BRCA2: variants seen among roughly 807,000 people sequenced by gnomAD.
BRCA2 encodes the protein BRCA2 DNA repair associated, also known as breast cancer type 2 susceptibility protein.
In BRCA2, 203 loss-of-function variants were observed where a neutral mutation model predicts 276.7. That is an observed-to-expected ratio of 0.73 (90% CI 0.65 to 0.82). BRCA2 has a LOEUF of 0.82. Ranked by LOEUF, BRCA2 falls within the 40% of genes least tolerant of loss-of-function variation. BRCA2 has a pLI of 0.00. For synonymous variants in BRCA2, 1,289 were observed against 1,338.4 expected (o/e 0.96, Z 0.81); for missense variants, 3,920 against 3,915.0 (o/e 1.00, Z -0.03).
At position 32,339,193 on chromosome 13, in the gene BRCA2, C is replaced by T. The variant is rs1360725610; in HGVS notation, c.4838C>T (p.Pro1613Leu). Residue 1613 changes from proline to leucine, a missense_variant, in exon 11 of 27, where the codon CCT becomes CTT. This residue lies in a region of BRCA2 where 3,263 missense variants were observed against 3,156.9 expected (regional missense o/e 1.03). Transcript: ENST00000380152. ...GTTTCTATTGAGACTGTGGTGCCACCTAAGCTCTTAAGTGATAATTTATGT... is the reference window on the plus strand; with the variant it reads ...GTTTCTATTGAGACTGTGGTGCCACTTAAGCTCTTAAGTGATAATTTATGT... ...NLVSIETVVP[P>L]KLLSDNLCRQ... 6.2e-7 allele frequency: 1 copy of T among 1,613,284 alleles called. No individual in the cohort carries two copies. The highest frequency in any genetic ancestry group is 8.5e-7 in the Non-Finnish European group (1 of 1,179,440).
In BRCA2 at chr13:32,337,855, T is replaced by C. The variant is rs1593899750; in HGVS notation, c.3500T>C (p.Ile1167Thr). Residue 1167 changes from isoleucine (I) to threonine (T), a missense_variant, in exon 11 of 27, where the codon ATA (isoleucine) becomes ACA (threonine). This residue lies in a region of BRCA2 where 3,263 missense variants were observed against 3,156.9 expected (regional missense o/e 1.03). Coordinates refer to ENST00000380152, the MANE Select transcript of BRCA2 (RefSeq NM_000059.4). ...TGCAGAGATGCTGATCTTCATGTCA[T>C]AATGAATGCCCCATCGATTGGTCAG... ...EECRDADLHV[I>T]MNAPSIGQVD... The C allele has an allele frequency of 6.2e-7, 1 of 1,614,086 alleles. No individual in the cohort carries two copies. The highest frequency in any genetic ancestry group is 1.1e-5 in the South Asian group (1 of 91,088).
intron 22 of BRCA2, 80 bp downstream of exon 22, chr13:32,379,595 GATAAAGT>G (rs2072905435): frequency 1.9e-6 from 3 of 1,549,576 alleles, no homozygotes; most frequent in Non-Finnish European, 2.6e-6. Flanking sequence ...TATAAATCCA[GATAAAGT>G]ATAAAGTTAG....
rs81002835 is a variant in BRCA2, at chr13:32,397,054, T to G, written c.9648+10T>G. On this transcript the variant is annotated intron_variant, in intron 26 of 26. Transcript: ENST00000380152. ...AGGAAACAAGCTTCTGGTAAGTTAA[T>G]GTAAACTCAAGGAATATTATAAGAA... 5 of 1,612,674 alleles carry G rather than the reference T, an allele frequency of 3.1e-6. No homozygotes were observed. In the African/African-American group the frequency reaches 6.7e-5, roughly 22 times the overall value.
Position 32,337,816 on chromosome 13 carries a change from C to G in BRCA2, c.3461C>G (p.Thr1154Ser), listed in dbSNP as rs786202212. 6.2e-7 allele frequency: 1 copy of G among 1,614,056 alleles called. No homozygotes were observed. The highest frequency in any genetic ancestry group is 8.5e-7 in the Non-Finnish European group (1 of 1,179,978). ...VPENQMTILK[T>S]TSEECRDADL... ...GAAAACCAGATGACTATCTTAAAGACCACTTCTGAGGAATGCAGAGATGCT... is the reference window on the plus strand; with the variant it reads ...GAAAACCAGATGACTATCTTAAAGAGCACTTCTGAGGAATGCAGAGATGCT... The change falls in exon 11 of 27, where the codon ACC becomes AGC. Residue 1154 changes from threonine (T) to serine (S), a missense_variant. Thr to Ser is a moderately conservative substitution (Grantham distance 58). Coordinates refer to ENST00000380152, the MANE Select transcript of BRCA2 (RefSeq NM_000059.4).
At chr13:32,360,611 G>A (rs1259308930) in intron 16 of BRCA2, among the ~76,000 whole-genome samples, 2 of 152,146 alleles carry the variant, frequency 1.3e-5, no homozygotes, top group Admixed American at 1.3e-4. Context: ...ACCCTCCTCG[G>A]CCTCCCAAAG....
chr13:32,371,143 G>C (rs2137601454), intron 20 of BRCA2, 43 bp downstream of exon 20: 2 of 1,594,838 alleles, frequency 1.3e-6, no homozygotes, highest in East Asian at 4.5e-5. Flanking sequence ...TCTAATATGA[G>C]AACAAAGTCT....
chr13:32,325,219 G>A (rs2137447280), intron 4 of BRCA2, 35 bp downstream of exon 4: 2 of 1,395,952 alleles, frequency 1.4e-6, no homozygotes. Context: ...ATATTTAAAT[G>A]AAACATTTTC....
At chr13:32,318,924 T>C (rs548945825) in intron 2 of BRCA2, among the ~76,000 whole-genome samples, 153 bp from the exon 3 acceptor site, 1 of 152,362 alleles carries the variant, frequency 6.6e-6, no homozygotes, top group East Asian at 1.9e-4. Flanking sequence ...CGCAAGAGAA[T>C]GGATTAATGA....
intron 2 of BRCA2, among the ~76,000 whole-genome samples, chr13:32,318,724 C>T (rs1356404824): frequency 6.6e-6 from 1 of 152,094 alleles, no homozygotes; most frequent in Non-Finnish European, 1.5e-5. Context: ...AGGCGTGAGC[C>T]CCCGCACCTG....
At chr13:32,320,731 T>C (rs1339973631) in intron 3 of BRCA2, among the ~76,000 whole-genome samples, 1 of 152,242 alleles carries the variant, frequency 6.6e-6, no homozygotes, top group African/African-American at 2.4e-5. Context: ...ACATGTATGT[T>C]ATTGGATACC....
chr13:32,364,579 T>A (rs182934679), intron 18 of BRCA2, among the ~76,000 whole-genome samples: 1 of 152,022 alleles, frequency 6.6e-6, no homozygotes, highest in African/African-American at 2.4e-5. Context: ...TACATTATAA[T>A]GACTGAAAAA....
Position 32,380,018 on chromosome 13 carries a change from A to G in BRCA2, c.9129A>G (p.Glu3043=), listed in dbSNP as rs28897757. The G allele has an allele frequency of 6.8e-6, 11 of 1,614,040 alleles. No homozygotes were observed. The highest frequency in any genetic ancestry group is 9.3e-6 in the Non-Finnish European group (11 of 1,179,976). The change falls in exon 24 of 27, where the codon GAA becomes GAG. Residue 3043 remains glutamate (E), a synonymous_variant. Transcript: ENST00000380152. ...TQYQQLPVSD[E]ILFQIYQPRE... ...TTTGTTTTCTGTAGGTTTCAGATGA[A>G]ATTTTATTTCAGATTTACCAGCCAC...
intron 11 of BRCA2, among the ~76,000 whole-genome samples, chr13:32,342,009 T>A (rs1429033250): frequency 6.6e-6 from 1 of 152,022 alleles, no homozygotes; most frequent in Non-Finnish European, 1.5e-5. Flanking sequence ...GTGGCGCTCA[T>A]GCCTGTAATC....
At chr13:32,365,221 T>C (rs1405252938) in intron 18 of BRCA2, among the ~76,000 whole-genome samples, 1 of 149,804 alleles carries the variant, frequency 6.7e-6, no homozygotes, top group African/African-American at 2.5e-5. Context: ...AGGCTGGTCT[T>C]GAACTTCTGG....
intron 8 of BRCA2, among the ~76,000 whole-genome samples, chr13:32,329,825 A>G (rs969876156): frequency 4.6e-5 from 7 of 151,926 alleles, no homozygotes; most frequent in Admixed American, 4.6e-4. Context: ...TATACCTATA[A>G]TCTTTTTTTC....
At chr13:32,352,115 C>G (rs1437760705) in intron 13 of BRCA2, among the ~76,000 whole-genome samples, 1 of 152,032 alleles carries the variant, frequency 6.6e-6, no homozygotes, top group Non-Finnish European at 1.5e-5. Context: ...GTTACCTTTT[C>G]AAAAACACCT....
At chr13:32,349,495 G>T (rs1057364516) in intron 13 of BRCA2, among the ~76,000 whole-genome samples, 1 of 151,964 alleles carries the variant, frequency 6.6e-6, no homozygotes, top group African/African-American at 2.4e-5. Flanking sequence ...GAATTGGGTG[G>T]TGCAGAAGGA....
Position 32,327,601 on chromosome 13 carries a change from C to T in BRCA2, c.631+988C>T, listed in dbSNP as rs533852188. Among the ~76,000 whole-genome samples the T allele has an allele frequency of 6.7e-5, 10 of 148,948 alleles. No individual in the cohort carries two copies. The East Asian group carries it at 1.8e-3, about 26-fold the overall frequency. ...AGGAGAATGGCATGAACCCGGGAGG[C>T]GGATCTTGTAGTGATCTGAGATCAT... is the stretch of plus-strand genomic sequence containing the variant. On this transcript the variant is annotated intron_variant, in intron 7 of 26. Transcript: ENST00000380152.
chr13:32,354,758 A>G, intron 13 of BRCA2, 103 bp from the exon 14 acceptor site: 1 of 830,406 alleles, frequency 1.2e-6, no homozygotes, highest in Non-Finnish European at 2.0e-6. Context: ...AGTTACCAGA[A>G]TAGTATCACC....
Sources: allele counts gnomAD v4.1 joint callset (sites outside exome capture counted in the v4.1 genomes callset), GRCh38; gene constraint gnomAD v4.1.1; regional missense constraint gnomAD v4.1.1; transcripts MANE v1.5; gene names NCBI Gene and HGNC (gene_info 2026-07-23, HGNC 2026-07-21).